CTNNA3: variants seen among roughly 807,000 people sequenced by gnomAD.
The protein encoded by CTNNA3 is catenin alpha-3.
Under a neutral mutation model 95.7 loss-of-function variants are expected in CTNNA3, and 76 were observed. The observed-to-expected ratio is 0.79, with a 90% CI of 0.66 to 0.96. The LOEUF is 0.96. CTNNA3 is among the 40% of genes least tolerant of loss of function. The pLI, the probability that CTNNA3 is intolerant of heterozygous loss-of-function variation, is 0.00. For synonymous variants in CTNNA3, 431 were observed against 374.4 expected (o/e 1.15, Z -1.74); for missense variants, 1,191 against 1,089.8 (o/e 1.09, Z -1.31).
At chr10:66,350,123 T>C (rs1224163189) in intron 12 of CTNNA3, among the ~76,000 whole-genome samples, 1 of 152,104 alleles carries the variant, frequency 6.6e-6, no homozygotes, top group African/African-American at 2.4e-5. Context: ...AGGCATAAAT[T>C]GGGTACTTTG....
intron 11 of CTNNA3, among the ~76,000 whole-genome samples, chr10:66,519,641 G>T (rs1300665314): frequency 6.6e-6 from 1 of 152,146 alleles, no homozygotes; most frequent in African/African-American, 2.4e-5. Flanking sequence ...TGACCTGGAA[G>T]CCCCCTTCCC....
At chr10:66,209,068 A>G (rs1167624351) in intron 13 of CTNNA3, among the ~76,000 whole-genome samples, 1 of 152,146 alleles carries the variant, frequency 6.6e-6, no homozygotes, top group Non-Finnish European at 1.5e-5. Context: ...AAGTCCTCCA[A>G]TACTATCCCC....
Position 66,230,423 on chromosome 10 carries a change from C to A in CTNNA3, c.1884+50047G>T, listed in dbSNP as rs918552800. On this transcript the variant is annotated intron_variant, in intron 13 of 17. Transcript: ENST00000433211. ...CTTTGGTTAAGGTTCTAGGTGGGCA[C>A]TGTTGTATATTATCCATATGATTTC... Among the ~76,000 whole-genome samples the A allele has an allele frequency of 2.6e-5, 4 of 151,926 alleles. No homozygotes were observed. In the South Asian group the frequency reaches 8.4e-4, roughly 32 times the overall value.
At chr10:67,469,546 G>A (rs568191670) in intron 5 of CTNNA3, among the ~76,000 whole-genome samples, 3 of 151,404 alleles carry the variant, frequency 2.0e-5, no homozygotes, top group South Asian at 2.1e-4. Context: ...ACTCATAAGC[G>A]GGAGTTAAAC....
At chr10:67,003,497 A>T (rs1289453050) in intron 7 of CTNNA3, among the ~76,000 whole-genome samples, 1 of 152,220 alleles carries the variant, frequency 6.6e-6, no homozygotes, top group Admixed American at 6.5e-5. Context: ...GAAACTTTGC[A>T]TACTATATTC....
intron 12 of CTNNA3, among the ~76,000 whole-genome samples, chr10:66,378,313 G>A (rs369615382): frequency 4.6e-5 from 7 of 152,000 alleles, no homozygotes; most frequent in African/African-American, 1.7e-4. Context: ...CTCCAGGATC[G>A]ATGACTTAAG....
chr10:66,661,006 T>C (rs1846243723), intron 9 of CTNNA3, among the ~76,000 whole-genome samples: 1 of 152,196 alleles, frequency 6.6e-6, no homozygotes. Context: ...GAGTTTGGTA[T>C]ATTAAGTGCT....
Position 67,642,728 on chromosome 10 carries a change from G to T in CTNNA3, c.99+4687C>A, listed in dbSNP as rs183417814. 4.5e-3 allele frequency among the ~76,000 whole-genome samples: 664 copies of T among 147,432 alleles called. 1 individual carries two copies. The highest frequency in any genetic ancestry group is 6.2e-3 in the Non-Finnish European group (419 of 67,282). ...CAAGACTCTGTCTCAAAAAAAAAAA[G>T]TTCAACATCACTGATCATCGGAGAA... On this transcript the variant is annotated intron_variant, in intron 2 of 17. Coordinates refer to ENST00000433211, the MANE Select transcript of CTNNA3 (RefSeq NM_013266.4).
At chr10:66,080,919 G>A (rs745831505) in intron 14 of CTNNA3, among the ~76,000 whole-genome samples, 1 of 152,170 alleles carries the variant, frequency 6.6e-6, no homozygotes, top group African/African-American at 2.4e-5. Context: ...GTTCACAGAT[G>A]CTTAAGAAAG....
intron 17 of CTNNA3, among the ~76,000 whole-genome samples, chr10:65,944,439 A>G (rs1377074124): frequency 2.6e-5 from 4 of 152,238 alleles, no homozygotes; most frequent in African/African-American, 9.6e-5. Flanking sequence ...TACAAACAAA[A>G]TTAGTGAGAC....
At position 66,103,199 on chromosome 10, in the gene CTNNA3, G is replaced by C. The variant is rs2081722119; in HGVS notation, c.1935C>G (p.Val645=). The C allele has an allele frequency of 6.2e-7, 1 of 1,614,014 alleles. No individual in the cohort carries two copies. Among genetic ancestry groups the C allele is most frequent in the Non-Finnish European group, 8.5e-7 (1 of 1,179,990 alleles). Reference sequence around the variant, plus strand: ...CGGTCTGAATGCTGGTGTGACTGCGGACCTCGTGTTCCTCTTCAAGGTCAG... The same window carrying C: ...CGGTCTGAATGCTGGTGTGACTGCGCACCTCGTGTTCCTCTTCAAGGTCAG... ...DVSDLEEEHE[V]RSHTSIQTEG... is the part of the protein sequence containing the mutation. Residue 645 remains valine (V), a synonymous_variant, in exon 14 of 18, where the codon GTC becomes GTG. Coordinates refer to ENST00000433211, the MANE Select transcript of CTNNA3 (RefSeq NM_013266.4).
intron 9 of CTNNA3, among the ~76,000 whole-genome samples, chr10:66,760,000 T>C (rs1289520639): frequency 1.3e-5 from 2 of 152,164 alleles, no homozygotes; most frequent in Non-Finnish European, 2.9e-5. Context: ...CTAGTGCTGT[T>C]AAGTCCTGGG....
chr10:67,320,103 T>C (rs1365816732), intron 5 of CTNNA3, among the ~76,000 whole-genome samples: 1 of 152,084 alleles, frequency 6.6e-6, no homozygotes, highest in East Asian at 1.9e-4. Flanking sequence ...TTGATGGAAA[T>C]ATGAGGTTTC....
At chr10:66,490,761 C>A (rs1157538855) in intron 11 of CTNNA3, among the ~76,000 whole-genome samples, 1 of 152,078 alleles carries the variant, frequency 6.6e-6, no homozygotes, top group Non-Finnish European at 1.5e-5. Context: ...GTGTGTAGTT[C>A]GCATCTTCTC....
At chr10:67,579,652 T>C (rs1180877397) in intron 3 of CTNNA3, among the ~76,000 whole-genome samples, 1 of 152,232 alleles carries the variant, frequency 6.6e-6, no homozygotes, top group Non-Finnish European at 1.5e-5. Flanking sequence ...ATGGTTGAAC[T>C]AGTTTACAGT....
At chr10:67,453,900 T>C (rs955906257) in intron 5 of CTNNA3, among the ~76,000 whole-genome samples, 6 of 152,200 alleles carry the variant, frequency 3.9e-5, no homozygotes, top group African/African-American at 1.4e-4. Flanking sequence ...TTCTTGACAA[T>C]GTGGATAGAA....
intron 4 of CTNNA3, among the ~76,000 whole-genome samples, chr10:67,536,162 A>G (rs1840480251): frequency 6.6e-6 from 1 of 152,186 alleles, no homozygotes; most frequent in Non-Finnish European, 1.5e-5. Context: ...TATGGTATTT[A>G]CCATATAAAG....
intron 5 of CTNNA3, among the ~76,000 whole-genome samples, chr10:67,418,956 A>G (rs1305317452): frequency 1.3e-5 from 2 of 151,712 alleles, no homozygotes; most frequent in Non-Finnish European, 2.9e-5. Flanking sequence ...TATCATTCAC[A>G]TGATAAATAT....
chr10:66,887,429 C>G lies in CTNNA3; in HGVS notation c.1048-111905G>C, dbSNP rs1319411415. On this transcript the variant is annotated intron_variant, in intron 7 of 17. Coordinates refer to ENST00000433211, the MANE Select transcript of CTNNA3 (RefSeq NM_013266.4). ...AAAGTCTAGTATTAGAGAAGAAAAA[C>G]AATGAAAAAATGAAGTTTCATGATT... Among the ~76,000 whole-genome samples the G allele has an allele frequency of 3.3e-5, 5 of 151,842 alleles. No homozygotes were observed. In the East Asian group the frequency reaches 9.7e-4, roughly 29 times the overall value.
Sources: allele counts gnomAD v4.1 joint callset (sites outside exome capture counted in the v4.1 genomes callset), GRCh38; gene constraint gnomAD v4.1.1; transcripts MANE v1.5; gene names NCBI Gene and HGNC (gene_info 2026-07-23, HGNC 2026-07-21).